RHAG: variants seen among roughly 807,000 people sequenced by gnomAD.
The protein encoded by RHAG is Rh associated glycoprotein, also known as ammonium transporter Rh type A.
RHAG carries 25 observed loss-of-function variants against 42.4 expected under a neutral mutation model. That is an observed-to-expected ratio of 0.59 (90% confidence interval 0.43 to 0.82). The LOEUF (loss-of-function observed/expected upper bound fraction) is 0.82. RHAG is among the 40% of genes least tolerant of loss of function. RHAG has a pLI of 0.00. For missense variants in RHAG, 483 were observed against 504.6 expected (o/e 0.96, Z 0.41); for synonymous variants, 182 against 177.7 (o/e 1.02, Z -0.19).
At chr6:49,622,025 A>AT (rs954772895) in intron 1 of RHAG, among the ~76,000 whole-genome samples, 9 of 150,100 alleles carry the variant, frequency 6.0e-5, no homozygotes, top group African/African-American at 2.2e-4. Context: ...TCTGCCTGTA[A>AT]TTTATTGGTT....
intron 1 of RHAG, among the ~76,000 whole-genome samples, chr6:49,634,821 T>C: frequency 6.6e-6 from 1 of 151,994 alleles, no homozygotes; most frequent in Non-Finnish European, 1.5e-5. Context: ...GAGATATAAT[T>C]GACGTATACA....
chr6:49,617,825 A>T (rs189986274), intron 3 of RHAG, among the ~76,000 whole-genome samples: 1 of 152,348 alleles, frequency 6.6e-6, no homozygotes, highest in Non-Finnish European at 1.5e-5. Flanking sequence ...ATCAGTTTTT[A>T]TGGTGTATAC....
chr6:49,622,970 G>A (rs757239704), intron 1 of RHAG, among the ~76,000 whole-genome samples: 27 of 151,674 alleles, frequency 1.8e-4, no homozygotes, highest in Non-Finnish European at 2.8e-4. Flanking sequence ...CGAGTAGCTG[G>A]GACTACAGGC....
intron 1 of RHAG, among the ~76,000 whole-genome samples, chr6:49,635,784 G>GT (rs1763002068): frequency 6.6e-6 from 1 of 152,044 alleles, no homozygotes; most frequent in Non-Finnish European, 1.5e-5. Context: ...GTGTCAAATT[G>GT]TTTTTTAAAA....
chr6:49,633,472 C>A (rs1762963665), intron 1 of RHAG, among the ~76,000 whole-genome samples: 1 of 152,028 alleles, frequency 6.6e-6, no homozygotes, highest in South Asian at 2.1e-4. Flanking sequence ...GTATATAACA[C>A]CTCAGTCATG....
At chr6:49,608,011 T>TA (rs1486865924) in intron 7 of RHAG, among the ~76,000 whole-genome samples, 1 of 152,010 alleles carries the variant, frequency 6.6e-6, no homozygotes. Context: ...TTTTAATATA[T>TA]AAAAAAACTG....
chr6:49,609,278 A>G (rs530235670), intron 7 of RHAG, among the ~76,000 whole-genome samples: 2 of 152,116 alleles, frequency 1.3e-5, no homozygotes, highest in South Asian at 4.2e-4. Context: ...ATAAATTGAG[A>G]TGTTTCTAAA....
chr6:49,636,398 T>A lies in RHAG; in HGVS notation c.157+258A>T, dbSNP rs568715945. Among the ~76,000 whole-genome samples, 5 of 152,296 alleles carry A rather than the reference T, an allele frequency of 3.3e-5. No individual in the cohort carries two copies. The East Asian group carries it at 9.6e-4, about 29-fold the overall frequency. On this transcript the variant is annotated intron_variant, in intron 1 of 9. Coordinates refer to ENST00000371175, the MANE Select transcript of RHAG (RefSeq NM_000324.3). ...AGGAAAAAGGTCATTTAGCAGTAGATAAGCAATACAAAAGGCATCAATTAT... is the reference window on the plus strand; with the variant it reads ...AGGAAAAAGGTCATTTAGCAGTAGAAAAGCAATACAAAAGGCATCAATTAT...
intron 1 of RHAG, among the ~76,000 whole-genome samples, chr6:49,627,216 C>A (rs537550950): frequency 6.6e-6 from 1 of 152,304 alleles, no homozygotes; most frequent in East Asian, 1.9e-4. Context: ...CATCATCAGG[C>A]CGAAAATTTT....
chr6:49,627,674 A>T (rs890552509), intron 1 of RHAG, among the ~76,000 whole-genome samples: 1 of 152,176 alleles, frequency 6.6e-6, no homozygotes, highest in African/African-American at 2.4e-5. Flanking sequence ...GGTTTAATTG[A>T]CTCACAGTTC....
chr6:49,630,106 C>T (rs1762912700), intron 1 of RHAG, among the ~76,000 whole-genome samples: 1 of 152,210 alleles, frequency 6.6e-6, no homozygotes, highest in Non-Finnish European at 1.5e-5. Flanking sequence ...CACGCTGTCA[C>T]CTCTCACAGG....
At chr6:49,608,585 C>T (rs576106176) in intron 7 of RHAG, among the ~76,000 whole-genome samples, 20 of 152,228 alleles carry the variant, frequency 1.3e-4, no homozygotes, top group African/African-American at 4.6e-4. Context: ...CCATATTGGC[C>T]AGGCTGGTCT....
At chr6:49,614,352 C>G (rs1762617044) in intron 5 of RHAG, among the ~76,000 whole-genome samples, 1 of 149,954 alleles carries the variant, frequency 6.7e-6, no homozygotes, top group Non-Finnish European at 1.5e-5. Flanking sequence ...GCCTCCACGC[C>G]TGGCTAATTT....
chr6:49,631,302 C>T lies in RHAG; in HGVS notation c.157+5354G>A, dbSNP rs938636234. On this transcript the variant is annotated intron_variant, in intron 1 of 9. Coordinates refer to ENST00000371175, the MANE Select transcript of RHAG (RefSeq NM_000324.3). Reference sequence around the variant, plus strand: ...ACTTTTCACCCAATGATTTTAGCTTCCATGATGAACATTGCTGAAATGAAT... The same window carrying T: ...ACTTTTCACCCAATGATTTTAGCTTTCATGATGAACATTGCTGAAATGAAT... 3.9e-5 allele frequency among the ~76,000 whole-genome samples: 6 copies of T among 152,222 alleles called. No individual in the cohort carries two copies. In the South Asian group the frequency reaches 1.0e-3, roughly 26 times the overall value.
intron 1 of RHAG, among the ~76,000 whole-genome samples, chr6:49,629,612 G>C (rs920903122): frequency 6.6e-6 from 1 of 152,122 alleles, no homozygotes; most frequent in African/African-American, 2.4e-5. Flanking sequence ...GGCGTTCATC[G>C]GGGAGGCTCG....
chr6:49,613,545 T>C (rs554576139), intron 5 of RHAG, among the ~76,000 whole-genome samples: 1 of 152,194 alleles, frequency 6.6e-6, no homozygotes, highest in South Asian at 2.1e-4. Flanking sequence ...AAGATATATG[T>C]CCTCAGCAAT....
chr6:49,607,080 C>T, intron 8 of RHAG, 70 bp downstream of exon 8: 1 of 1,390,426 alleles, frequency 7.2e-7, no homozygotes, highest in African/African-American at 1.4e-5. Context: ...AATTGACTTG[C>T]TCATTAATTA....
At chr6:49,635,352 C>T (rs1762995081) in intron 1 of RHAG, among the ~76,000 whole-genome samples, 1 of 152,004 alleles carries the variant, frequency 6.6e-6, no homozygotes, top group South Asian at 2.1e-4. Flanking sequence ...TGTATTGCAT[C>T]TCTTTGTTTA....
chr6:49,606,764 A>C, intron 9 of RHAG, 84 bp downstream of exon 9: 1 of 941,380 alleles, frequency 1.1e-6, no homozygotes, highest in Non-Finnish European at 1.7e-6. Flanking sequence ...ACACCTATGC[A>C]CACAGATATC....
Sources: allele counts gnomAD v4.1 joint callset (sites outside exome capture counted in the v4.1 genomes callset), GRCh38; gene constraint gnomAD v4.1.1; transcripts MANE v1.5; gene names NCBI Gene and HGNC (gene_info 2026-07-23, HGNC 2026-07-21).